Variants in HLA-DRB1 observed in about 807,000 individuals in gnomAD.
HLA-DRB1 encodes major histocompatibility complex, class II, DR beta 1 precursor.
A neutral mutation model predicts 27.9 loss-of-function variants in HLA-DRB1; 10 were observed. The observed-to-expected ratio is 0.36, with a 90% CI of 0.22 to 0.61. The LOEUF is 0.61. Ranked by LOEUF, HLA-DRB1 falls within the 20% of genes least tolerant of loss-of-function variation. The pLI, the probability that HLA-DRB1 is intolerant of heterozygous loss-of-function variation, is 0.73. For synonymous variants in HLA-DRB1, 57 were observed against 126.7 expected (o/e 0.45, Z 3.69); for missense variants, 118 against 306.3 (o/e 0.39, Z 4.59).
At chr6:32,582,627 C>A (rs778922662) in intron 2 of HLA-DRB1, among the ~76,000 whole-genome samples, 1,322 of 102,988 alleles carry the variant, frequency 0.013, 83 homozygotes, top group South Asian at 0.044. Context: ...AAGCATGAGT[C>A]CTGAAGCAGA....
At chr6:32,579,024 GCA>G (rs754848562) in exon 6 of HLA-DRB1, 6,132 of 554,004 alleles carry the variant, frequency 0.011, 53 homozygotes, top group East Asian at 0.032. Flanking sequence ...TAACTGCCAA[GCA>G]GGAAAGCTTT....
At chr6:32,580,959 A>G (rs28732295) in intron 3 of HLA-DRB1, 103 bp from the exon 4 acceptor site, 32,549 of 704,610 alleles carry the variant, frequency 0.046, 1,874 homozygotes, top group Non-Finnish European at 0.053. Context: ...AAGCTGCCTC[A>G]CAAGAACTAA....
intron 5 of HLA-DRB1, among the ~76,000 whole-genome samples, chr6:32,579,418 T>C (rs114547485): frequency 2.4e-5 from 1 of 41,964 alleles, no homozygotes; most frequent in Non-Finnish European, 4.6e-5. Context: ...GCTGACTTCC[T>C]GCAGACCTTC....
At position 32,587,252 on chromosome 6, in the gene HLA-DRB1, T is replaced by G. The variant is rs34371966; in HGVS notation, c.100+2391A>C. 3.7e-5 allele frequency among the ~76,000 whole-genome samples: 2 copies of G among 54,206 alleles called. 1 individual carries two copies. Among genetic ancestry groups the G allele is most frequent in the Non-Finnish European group, 7.4e-5 (2 of 27,198 alleles). The allele number at this position is 54,206 out of a possible 152,430, so 35.6% of individuals were successfully genotyped here. A position where few individuals can be genotyped will look rare whatever the true frequency, so the allele number is the denominator to read the frequency against. On this transcript the variant is annotated intron_variant, in intron 1 of 5. Transcript: ENST00000360004. ...AAAAAATTAGCCAGGTGTGGTGGCA[T>G]GCGCCTGTGGCCCCAGCTAATCGGG...
rs777411444 is a variant in HLA-DRB1, at chr6:32,586,540, C to T, written c.101-2162G>A. On this transcript the variant is annotated intron_variant, in intron 1 of 5. Transcript: ENST00000360004. ...CAGCATCCTTGGGCTCTTTCTCAGC[C>T]CCCTTTGCTGGCCTGTGCCCTGTTC... Among the ~76,000 whole-genome samples the T allele has an allele frequency of 1.6e-3, 94 of 59,844 alleles. 1 individual carries two copies. Among genetic ancestry groups the T allele is most frequent in the Middle Eastern group, 0.011 (1 of 94 alleles). 39.3% of individuals were successfully genotyped at this position (59,844 alleles called of 152,430 possible).
rs1398623686 is a variant in HLA-DRB1, at chr6:32,579,919, C to T, written c.787+328G>A. Among the ~76,000 whole-genome samples, 4 of 33,170 alleles carry T rather than the reference C, an allele frequency of 1.2e-4. 1 individual carries two copies. The East Asian group carries it at 2.3e-3, about 19-fold the overall frequency. The allele number at this position is 33,170 out of a possible 152,430, so 21.8% of individuals were successfully genotyped here. A position where few individuals can be genotyped will look rare whatever the true frequency, so the allele number is the denominator to read the frequency against. ...GAGATCGAGACCATCCTGGCTAAAA[C>T]GGTGAAACCCCGTCTCTACTAAAAA... On this transcript the variant is annotated intron_variant, in intron 5 of 5. Transcript: ENST00000360004.
intron 2 of HLA-DRB1, among the ~76,000 whole-genome samples, chr6:32,583,096 G>A (rs9269877): frequency 1.2e-5 from 1 of 84,972 alleles, no homozygotes; most frequent in Non-Finnish European, 2.4e-5. Flanking sequence ...TACAAAGAAC[G>A]CAGAAAGTCA....
At chr6:32,581,641 G>C in exon 3 of HLA-DRB1, 1 of 1,350,898 alleles carries the variant, frequency 7.4e-7, no homozygotes. Flanking sequence ...ACTGTTTCCA[G>C]CATCACCAGG....
At chr6:32,581,000 A>T (rs28732297) in intron 3 of HLA-DRB1, 144 bp from the exon 4 acceptor site, 17,191 of 458,428 alleles carry the variant, frequency 0.037, 1,188 homozygotes, top group East Asian at 0.075. Flanking sequence ...GAAAAAAAGG[A>T]TTTCAAATTA....
intron 1 of HLA-DRB1, among the ~76,000 whole-genome samples, chr6:32,587,748 C>T (rs1221646756): frequency 2.2e-5 from 3 of 137,930 alleles, no homozygotes; most frequent in Admixed American, 7.3e-5. Flanking sequence ...AACCTGATGT[C>T]TTTTCTTCAG....
intron 1 of HLA-DRB1, among the ~76,000 whole-genome samples, chr6:32,585,320 G>T (rs35009955): frequency 5.2e-5 from 4 of 77,246 alleles, no homozygotes; most frequent in Admixed American, 1.5e-4. Flanking sequence ...CACTAATGAT[G>T]GTCAAACTCT....
Position 32,581,894 on chromosome 6 carries a change from G to C in HLA-DRB1, c.371-56C>G, listed in dbSNP as rs1249029484. ...TCAGGAAGACAGAGTAAGTCTCCTG[G>C]TTTGGCTGTGTGTCTGCTTCTCTGC... On this transcript the variant is annotated intron_variant, in intron 2 of 5. Coordinates refer to ENST00000360004, the Ensembl canonical transcript of HLA-DRB1. 12 of 876,200 alleles carry C rather than the reference G, an allele frequency of 1.4e-5. No individual in the cohort carries two copies. The East Asian group carries it at 2.1e-4, about 15-fold the overall frequency. The allele number at this position is 876,200 out of a possible 1,614,324, so 54.3% of individuals were successfully genotyped here. A position where few individuals can be genotyped will look rare whatever the true frequency, so the allele number is the denominator to read the frequency against.
intron 1 of HLA-DRB1, among the ~76,000 whole-genome samples, chr6:32,588,610 T>G: frequency 1.6e-5 from 1 of 64,484 alleles, no homozygotes. Flanking sequence ...GCTGAGGGCA[T>G]GATGGGTGAA....
At chr6:32,588,051 C>T (rs35338415) in intron 1 of HLA-DRB1, among the ~76,000 whole-genome samples, 17,638 of 113,864 alleles carry the variant, frequency 0.15, 71 homozygotes, top group East Asian at 0.19. Context: ...ACCCCTTCTC[C>T]TCCCAGTGAT....
rs2150753630 is a variant in HLA-DRB1 at position 32,579,991 on chromosome 6, T to C, written c.787+256A>G. ...AGTGGCGGGCGCCTGTAGTCCCAGC[T>C]ACTTGGGAGGCTGAGGCAGGAGAAT... On this transcript the variant is annotated intron_variant, in intron 5 of 5. Coordinates refer to ENST00000360004, the Ensembl canonical transcript of HLA-DRB1. 6.4e-5 allele frequency among the ~76,000 whole-genome samples: 2 copies of C among 31,286 alleles called. 1 individual carries two copies. Among genetic ancestry groups the C allele is most frequent in the African/African-American group, 2.4e-4 (2 of 8,214 alleles). The allele number at this position is 31,286 out of a possible 152,430, so 20.5% of individuals were successfully genotyped here. A position where few individuals can be genotyped will look rare whatever the true frequency, so the allele number is the denominator to read the frequency against.
At position 32,581,302 on chromosome 6, in the gene HLA-DRB1, C is replaced by A. The variant is rs28732315; in HGVS notation, c.652+255G>T. ...GCCTGGAGCCTGGGAGAGTGGGTGA[C>A]CCTGACCTGCAAAATCATGGGGAGG... On this transcript the variant is annotated intron_variant, in intron 3 of 5. Coordinates refer to ENST00000360004, the Ensembl canonical transcript of HLA-DRB1. Among the ~76,000 whole-genome samples, 2 of 79,446 alleles carry A rather than the reference C, an allele frequency of 2.5e-5. 1 individual carries two copies. Among genetic ancestry groups the A allele is most frequent in the African/African-American group, 1.1e-4 (2 of 18,276 alleles). The allele number at this position is 79,446 out of a possible 152,430, so 52.1% of individuals were successfully genotyped here.
chr6:32,583,836 G>A (rs9269925), intron 2 of HLA-DRB1, among the ~76,000 whole-genome samples: 8,193 of 51,730 alleles, frequency 0.16, 1,657 homozygotes, highest in East Asian at 0.31. Context: ...GGTCTCCAAG[G>A]ATAAGAAACA....
At chr6:32,582,546 A>T (rs1227011273) in intron 2 of HLA-DRB1, among the ~76,000 whole-genome samples, 1 of 100,472 alleles carries the variant, frequency 1.0e-5, no homozygotes. Flanking sequence ...TTAGAACACA[A>T]CAGAAATTGT....
chr6:32,588,698 C>T lies in HLA-DRB1; in HGVS notation c.100+945G>A, dbSNP rs9270210. Among the ~76,000 whole-genome samples, 329 of 48,806 alleles carry T rather than the reference C, an allele frequency of 6.7e-3. 6 individuals carry two copies. The highest frequency in any genetic ancestry group is 0.033 in the Middle Eastern group (2 of 60). 32.0% of individuals were successfully genotyped at this position (48,806 alleles called of 152,430 possible). Reference sequence around the variant, plus strand: ...CCCATTGACTTTCAGCCCTATGAGACGTGAACAATGTTCACATCATCTCGG... The same window carrying T: ...CCCATTGACTTTCAGCCCTATGAGATGTGAACAATGTTCACATCATCTCGG... On this transcript the variant is annotated intron_variant, in intron 1 of 5. Coordinates refer to ENST00000360004, the Ensembl canonical transcript of HLA-DRB1.
Sources: allele counts gnomAD v4.1 joint callset (sites outside exome capture counted in the v4.1 genomes callset), GRCh38; gene constraint gnomAD v4.1.1; transcripts MANE v1.5; gene names NCBI Gene and HGNC (gene_info 2026-07-23, HGNC 2026-07-21).